DLG1: variants seen among roughly 807,000 people sequenced by gnomAD.
DLG1 encodes discs large MAGUK scaffold protein 1.
A neutral mutation model predicts 123.4 loss-of-function variants in DLG1; 42 were observed. The ratio of observed to expected loss-of-function variants is 0.34; its 90% CI spans 0.27 to 0.44. DLG1 has a LOEUF of 0.44. Ranked by LOEUF, DLG1 falls within the 20% of genes least tolerant of loss-of-function variation. The pLI, the probability that DLG1 is intolerant of heterozygous loss-of-function variation, is 1.00. For missense variants in DLG1, 942 were observed against 1,082.6 expected (o/e 0.87, Z 1.82); for synonymous variants, 317 against 356.2 (o/e 0.89, Z 1.24).
intron 5 of DLG1, among the ~76,000 whole-genome samples, chr3:197,174,711 G>A (rs753159929): frequency 1.3e-5 from 2 of 152,012 alleles, no homozygotes; most frequent in Non-Finnish European, 2.9e-5. Context: ...ACCAAGATTA[G>A]TCAGATTTAT....
intron 5 of DLG1, among the ~76,000 whole-genome samples, chr3:197,171,900 C>A (rs1804379904): frequency 6.6e-6 from 1 of 152,036 alleles, no homozygotes; most frequent in Non-Finnish European, 1.5e-5. Context: ...GACTAATAAC[C>A]TAAAATGGGC....
intron 4 of DLG1, among the ~76,000 whole-genome samples, chr3:197,245,540 C>G (rs1189795738): frequency 6.6e-6 from 1 of 152,064 alleles, no homozygotes; most frequent in African/African-American, 2.4e-5. Flanking sequence ...GTATAAATTC[C>G]TATACATCCA....
intron 4 of DLG1, among the ~76,000 whole-genome samples, chr3:197,268,655 A>G (rs1472762231): frequency 2.0e-5 from 3 of 151,986 alleles, no homozygotes; most frequent in African/African-American, 4.8e-5. Flanking sequence ...ATTTATAGAA[A>G]AATGTTTTTC....
At chr3:197,125,943 A>G (rs905131457) in intron 11 of DLG1, among the ~76,000 whole-genome samples, 1 of 152,192 alleles carries the variant, frequency 6.6e-6, no homozygotes, top group Non-Finnish European at 1.5e-5. Context: ...TGCAGGCTTC[A>G]GAAGAACTGA....
chr3:197,215,128 C>G (rs1467968200), intron 4 of DLG1, among the ~76,000 whole-genome samples: 1 of 152,122 alleles, frequency 6.6e-6, no homozygotes, highest in Non-Finnish European at 1.5e-5. Context: ...AATGATATTA[C>G]TATTTGTATA....
chr3:197,213,739 T>G (rs1732516442), intron 4 of DLG1, among the ~76,000 whole-genome samples: 1 of 152,220 alleles, frequency 6.6e-6, no homozygotes. Context: ...ACTACTTAGT[T>G]ATTCTTGGAT....
At chr3:197,067,374 G>T (rs1157378245) in intron 19 of DLG1, among the ~76,000 whole-genome samples, 1 of 151,902 alleles carries the variant, frequency 6.6e-6, no homozygotes, top group Non-Finnish European at 1.5e-5. Flanking sequence ...ATAAACAACA[G>T]TGATAGTAAA....
intron 5 of DLG1, among the ~76,000 whole-genome samples, chr3:197,175,867 ATGT>A (rs1436292431): frequency 6.6e-6 from 1 of 152,156 alleles, no homozygotes; most frequent in African/African-American, 2.4e-5. Context: ...CAGGAGAAAA[ATGT>A]TGCTCAGGCT....
chr3:197,229,429 G>T (rs1205364586), intron 4 of DLG1, among the ~76,000 whole-genome samples: 3 of 149,426 alleles, frequency 2.0e-5, no homozygotes, highest in African/African-American at 4.9e-5. Context: ...CTCCAGCCTG[G>T]GTGACAGAGT....
At chr3:197,259,674 C>T (rs1758478311) in intron 4 of DLG1, among the ~76,000 whole-genome samples, 1 of 151,990 alleles carries the variant, frequency 6.6e-6, no homozygotes, top group Non-Finnish European at 1.5e-5. Context: ...ATAAAAGAAG[C>T]CAAACTTAGA....
intron 5 of DLG1, among the ~76,000 whole-genome samples, chr3:197,152,009 T>A (rs1794106387): frequency 6.6e-6 from 1 of 152,232 alleles, no homozygotes; most frequent in African/African-American, 2.4e-5. Context: ...TTCACTGTTG[T>A]CCAAGTTGGA....
chr3:197,075,317 C>CAAA (rs58384491), intron 18 of DLG1, among the ~76,000 whole-genome samples: 205 of 90,156 alleles, frequency 2.3e-3, no homozygotes, highest in Non-Finnish European at 3.2e-3. Context: ...ATAACTTTCT[C>CAAA]AAAAAAAAAA....
intron 5 of DLG1, among the ~76,000 whole-genome samples, chr3:197,176,200 AT>A (rs1023867509): frequency 3.3e-5 from 5 of 152,136 alleles, no homozygotes; most frequent in South Asian, 4.2e-4. Context: ...GACTTTATAT[AT>A]TTTTTTAGAG....
At chr3:197,145,055 T>TCACA (rs34377415) in intron 6 of DLG1, among the ~76,000 whole-genome samples, 3,801 of 148,690 alleles carry the variant, frequency 0.026, 117 homozygotes, top group African/African-American at 0.069. Flanking sequence ...TCTCTCTCTC[T>TCACA]CACACACACA....
At position 197,051,586 on chromosome 3, in the gene DLG1, G is replaced by C. The variant is rs1389756156; in HGVS notation, c.2566C>G (p.His856Asp). 1.6e-5 allele frequency: 26 copies of C among 1,613,554 alleles called. No individual in the cohort carries two copies. The highest frequency in any genetic ancestry group is 2.0e-5 in the Non-Finnish European group (24 of 1,179,522). ...AMKLEQEFTE[H>D]FTAIVQGDTL... ...ACAACACGGTTCCAACCTGTGAAATGTTCAGTAAACTCCTGTTCCAGTTTC... is the reference window on the plus strand; with the variant it reads ...ACAACACGGTTCCAACCTGTGAAATCTTCAGTAAACTCCTGTTCCAGTTTC... Residue 856 changes from histidine to aspartate, a missense_variant, in exon 24 of 25, where the codon CAT becomes GAT. Coordinates refer to ENST00000667157, the MANE Select transcript of DLG1 (RefSeq NM_001366207.1).
At chr3:197,165,463 G>A (rs1222745981) in intron 5 of DLG1, among the ~76,000 whole-genome samples, 3 of 152,214 alleles carry the variant, frequency 2.0e-5, no homozygotes. Context: ...CACTGTGAAT[G>A]TACTTAATGC....
intron 13 of DLG1, among the ~76,000 whole-genome samples, chr3:197,111,118 T>C (rs1769761414): frequency 6.6e-6 from 1 of 152,222 alleles, no homozygotes. Context: ...TCAGTAAGCA[T>C]TAAAATTTTA....
intron 24 of DLG1, 83 bp downstream of exon 24, chr3:197,051,494 C>A: frequency 9.2e-7 from 1 of 1,088,424 alleles, no homozygotes; most frequent in South Asian, 1.3e-5. Context: ...AGGCATAGTT[C>A]AAAATCCACC....
chr3:197,142,171 T>C (rs1319328826), intron 7 of DLG1, among the ~76,000 whole-genome samples: 5 of 152,200 alleles, frequency 3.3e-5, no homozygotes, highest in Non-Finnish European at 7.3e-5. Flanking sequence ...GTTACTAGTA[T>C]ACTACTTACT....
Sources: gnomAD v4.1 joint callset for allele counts (sites outside exome capture counted in the v4.1 genomes callset) on GRCh38, gnomAD v4.1.1 for gene constraint, MANE v1.5 for transcripts, NCBI Gene and HGNC (gene_info 2026-07-23, HGNC 2026-07-21) for gene names.